The following LINGO2 variants were observed in gnomAD, a reference collection of about 807,000 sequenced individuals.
LINGO2 encodes leucine-rich repeat and immunoglobulin-like domain-containing nogo receptor-interacting protein 2.
A neutral mutation model predicts 30.6 loss-of-function variants in LINGO2; 14 were observed. The ratio of observed to expected loss-of-function variants is 0.46; its 90% confidence interval spans 0.30 to 0.72. The LOEUF (loss-of-function observed/expected upper bound fraction) is 0.72, where lower values mean the gene tolerates loss of function less well. Ranked by LOEUF, LINGO2 falls within the 30% of genes least tolerant of loss-of-function variation. The probability of loss-of-function intolerance (pLI) is 0.07; values close to 1 mark genes in which losing one functional copy is unlikely to be tolerated. For synonymous variants in LINGO2, 317 were observed against 288.5 expected (o/e 1.10, Z -1.00); for missense variants, 729 against 751.7 (o/e 0.97, Z 0.35).
chr9:28,148,089 G>A lies in LINGO2; in HGVS notation c.-86-135684C>T, dbSNP rs1387053489. 8.2e-6 allele frequency: 9 copies of A among 1,102,612 alleles called. No individual in the cohort carries two copies. The highest frequency in any genetic ancestry group is 5.5e-5 in the East Asian group (1 of 18,176). The allele number at this position is 1,102,612 out of a possible 1,614,324, so 68.3% of individuals were successfully genotyped here. A position where few individuals can be genotyped will look rare whatever the true frequency, so the allele number is the denominator to read the frequency against. On this transcript the variant is annotated intron_variant, in intron 4 of 5. Transcript: ENST00000379992. The surrounding 1 kb of genome is among the most constrained non-coding windows in gnomAD (Gnocchi z 5.1). ...GTCCATGAGGCCTTCCCAGCTGGCC[G>A]GGCTAACCCCGCGGCTCCTGCACCT...
At chr9:29,210,616 T>C in the LINGO2 span, among the ~76,000 whole-genome samples, 1 of 152,172 alleles carries the variant, frequency 6.6e-6, no homozygotes, top group African/African-American at 2.4e-5. Flanking sequence ...TTTATATAAA[T>C]CTTCCCTGAG....
chr9:28,606,815 C>T lies in LINGO2; in HGVS notation c.-365+63385G>A, dbSNP rs530248714. Among the ~76,000 whole-genome samples the T allele has an allele frequency of 2.8e-4, 43 of 152,028 alleles. No individual in the cohort carries two copies. The South Asian group carries it at 7.3e-3, about 26-fold the overall frequency. ...AATTATGTAAAATTGAATCATAAAA[C>T]GAGTTAGTGGAATAGGAGGATTATA... On this transcript the variant is annotated intron_variant, in intron 1 of 5. Coordinates refer to ENST00000379992, the Ensembl canonical transcript of LINGO2.
chr9:28,744,116 T>TC, the LINGO2 span, among the ~76,000 whole-genome samples: 4 of 150,802 alleles, frequency 2.7e-5, no homozygotes, highest in Non-Finnish European at 5.9e-5. Context: ...ATATTTTTTT[T>TC]CTTTTCAGCT....
chr9:28,791,920 A>G, the LINGO2 span, among the ~76,000 whole-genome samples: 1 of 151,712 alleles, frequency 6.6e-6, no homozygotes, highest in Admixed American at 6.6e-5. Context: ...TATATTACAG[A>G]AAAATATATA....
At chr9:28,919,108 TG>T in the LINGO2 span, among the ~76,000 whole-genome samples, 1 of 152,178 alleles carries the variant, frequency 6.6e-6, no homozygotes, top group Non-Finnish European at 1.5e-5. Context: ...CTCAGGTGTC[TG>T]GGAGATATTT....
chr9:28,676,435 A>T, the LINGO2 span, among the ~76,000 whole-genome samples: 1 of 152,176 alleles, frequency 6.6e-6, no homozygotes, highest in Non-Finnish European at 1.5e-5. Context: ...TATACATGCC[A>T]CCTGAAACAT....
chr9:28,109,204 G>A (rs1826693779), intron 4 of LINGO2, among the ~76,000 whole-genome samples: 1 of 152,160 alleles, frequency 6.6e-6, no homozygotes, highest in South Asian at 2.1e-4. Context: ...ATCCCTTCAT[G>A]TTAAAAACAC....
intron 3 of LINGO2, among the ~76,000 whole-genome samples, chr9:28,364,575 C>T (rs920496862): frequency 5.9e-5 from 9 of 152,222 alleles, no homozygotes; most frequent in African/African-American, 2.2e-4. Flanking sequence ...AACATCATCA[C>T]ACTGACTGCT....
intron 4 of LINGO2, among the ~76,000 whole-genome samples, chr9:28,101,991 T>C (rs1175731261): frequency 2.0e-5 from 3 of 152,114 alleles, no homozygotes; most frequent in Admixed American, 6.6e-5. Flanking sequence ...GTGACAAATA[T>C]AAGCTTCTGC....
intron 4 of LINGO2, among the ~76,000 whole-genome samples, chr9:28,043,690 G>A (rs1824293020): frequency 6.6e-6 from 1 of 152,076 alleles, no homozygotes; most frequent in African/African-American, 2.4e-5. Flanking sequence ...TTTGCTCAAT[G>A]ATCAATTTTG....
chr9:28,799,910 A>G, the LINGO2 span, among the ~76,000 whole-genome samples: 1 of 152,130 alleles, frequency 6.6e-6, no homozygotes, highest in Non-Finnish European at 1.5e-5. Context: ...CTCTGAAATT[A>G]TAGTGTAAGC....
the LINGO2 span, among the ~76,000 whole-genome samples, chr9:28,876,732 G>A: frequency 6.6e-6 from 1 of 152,184 alleles, no homozygotes; most frequent in South Asian, 2.1e-4. Flanking sequence ...TGTCTTTATA[G>A]CAGCATGATT....
chr9:28,160,170 T>C (rs1021352365), intron 4 of LINGO2, among the ~76,000 whole-genome samples: 1 of 152,188 alleles, frequency 6.6e-6, no homozygotes, highest in African/African-American at 2.4e-5. Flanking sequence ...AATGTTCTGC[T>C]AGATAAGAGA....
At chr9:28,917,976 T>C in the LINGO2 span, among the ~76,000 whole-genome samples, 6 of 151,992 alleles carry the variant, frequency 3.9e-5, no homozygotes, top group Admixed American at 3.9e-4. Context: ...GCCTACACAA[T>C]ATCCATTTTG....
intron 4 of LINGO2, among the ~76,000 whole-genome samples, chr9:28,126,308 A>C (rs544441662): frequency 6.6e-6 from 1 of 152,320 alleles, no homozygotes; most frequent in East Asian, 1.9e-4. Context: ...TTCCAGCTGC[A>C]AGGGTATTTT....
chr9:28,407,427 A>G (rs976902481), intron 2 of LINGO2, among the ~76,000 whole-genome samples: 2 of 152,168 alleles, frequency 1.3e-5, no homozygotes, highest in Admixed American at 1.3e-4. Context: ...TCCTTAATGA[A>G]TGGCCCTATT....
the LINGO2 span, among the ~76,000 whole-genome samples, chr9:28,680,682 A>T: frequency 1.3e-5 from 2 of 152,062 alleles, no homozygotes; most frequent in Admixed American, 1.3e-4. Flanking sequence ...GTGAGGTGTT[A>T]GCTCATTGTG....
the LINGO2 span, among the ~76,000 whole-genome samples, chr9:29,200,771 T>C: frequency 3.9e-5 from 6 of 152,242 alleles, no homozygotes; most frequent in East Asian, 9.7e-4. Context: ...CCATACAGGA[T>C]ACCATATATT....
chr9:27,948,746 G>A, exon 6 of LINGO2: 1 of 1,319,460 alleles, frequency 7.6e-7, no homozygotes, highest in Non-Finnish European at 1.0e-6. Flanking sequence ...TTTTGATACA[G>A]GGGCAGCTGC....
Sources: allele counts gnomAD v4.1 joint callset (sites outside exome capture counted in the v4.1 genomes callset), GRCh38; gene constraint gnomAD v4.1.1; non-coding constraint Gnocchi (gnomAD v3.1); transcripts MANE v1.5; gene names NCBI Gene and HGNC (gene_info 2026-07-23, HGNC 2026-07-21).